SMPD4: variants seen among roughly 807,000 people sequenced by gnomAD.
The protein encoded by SMPD4 is neutral sphingomyelinase 3.
Under a neutral mutation model 97.8 loss-of-function variants are expected in SMPD4, and 58 were observed. The ratio of observed to expected loss-of-function variants is 0.59; its 90% confidence interval spans 0.48 to 0.74. SMPD4 has a LOEUF of 0.74. Among genes scored for constraint, SMPD4 ranks in the 30% least tolerant of loss-of-function variants. The probability of loss-of-function intolerance (pLI) is 0.00; values close to 1 mark genes in which losing one functional copy is unlikely to be tolerated. For synonymous variants in SMPD4, 388 were observed against 450.0 expected (o/e 0.86, Z 1.74); for missense variants, 853 against 1,080.5 (o/e 0.79, Z 2.95).
At chr2:130,167,255 G>C (rs1688024080) in intron 9 of SMPD4, among the ~76,000 whole-genome samples, 1 of 152,110 alleles carries the variant, frequency 6.6e-6, no homozygotes, top group Admixed American at 6.5e-5. Context: ...CGAGTAGCTG[G>C]GATTACAGGC....
intron 2 of SMPD4, among the ~76,000 whole-genome samples, 158 bp from the exon 3 acceptor site, chr2:130,175,158 C>T (rs1050747748): frequency 4.6e-5 from 7 of 152,076 alleles, no homozygotes; most frequent in African/African-American, 1.7e-4. Context: ...TGTCAGTGGC[C>T]CAAAGAGTAC....
Position 130,173,646 on chromosome 2 carries a change from G to C in SMPD4, c.137C>G (p.Thr46Ser), listed in dbSNP as rs1355965567. 43 of 1,613,746 alleles carry C rather than the reference G, an allele frequency of 2.7e-5. No individual in the cohort carries two copies. Among genetic ancestry groups the C allele is most frequent in the Non-Finnish European group, 3.4e-5 (40 of 1,179,848 alleles). ...GCTTTCTACCAGCCATGGGAAGATG[G>C]TGTGCAGCTCCTGAAACAATGTGTG... Reference protein sequence around the residue: ...IEDFPAKELHTIFPWLVESIF... With the variant: ...IEDFPAKELHSIFPWLVESIF... The change falls in exon 4 of 20, where the codon ACC becomes AGC. Residue 46 changes from threonine (T) to serine (S), a missense_variant. Physicochemically the swap from Thr to Ser is moderately conservative, Grantham distance 58. Around this residue, in one of 3 missense-constraint regions of SMPD4, gnomAD observed 313 missense variants for 402.2 expected, o/e 0.78. Transcript: ENST00000680298.
chr2:130,167,915 T>C (rs1378895239), intron 8 of SMPD4, among the ~76,000 whole-genome samples: 1 of 152,178 alleles, frequency 6.6e-6, no homozygotes, highest in Non-Finnish European at 1.5e-5. Flanking sequence ...AGGTTGGGCA[T>C]GGGGGTTCAC....
chr2:130,153,169 G>A lies in SMPD4; in HGVS notation c.2028C>T (p.Ile676=). 1 of 1,613,778 alleles carries A rather than the reference G, an allele frequency of 6.2e-7. No individual in the cohort carries two copies. Among genetic ancestry groups the A allele is most frequent in the African/African-American group, 1.3e-5 (1 of 75,040 alleles). ...LILTPLGRYQ[I]INGLRRFEIE... ...TTTCAAACCTTCGCAGCCCATTGATGATCTAGAAAGCCAGGCCATGGGGAT... is the reference window on the plus strand; with the variant it reads ...TTTCAAACCTTCGCAGCCCATTGATAATCTAGAAAGCCAGGCCATGGGGAT... Residue 676 remains isoleucine (I), a splice_region_variant and synonymous_variant, in exon 19 of 20, where the codon ATC becomes ATT. Coordinates refer to ENST00000680298, the MANE Select transcript of SMPD4 (RefSeq NM_017951.5).
chr2:130,154,343 G>A lies in SMPD4; in HGVS notation c.1593C>T (p.His531=), dbSNP rs372507740. The A allele has an allele frequency of 1.2e-4, 189 of 1,611,804 alleles. 1 individual carries two copies. Among genetic ancestry groups the A allele is most frequent in the Admixed American group, 9.8e-4 (59 of 59,976 alleles). Residue 531 remains histidine, a synonymous_variant, in exon 16 of 20, where the codon CAC becomes CAT. Transcript: ENST00000680298. Reference sequence around the variant, plus strand: ...AGTCCTGGCCCTCCAGGCTGTAGACGTGGCTCTTCACCTTGAAGGAGGCAT... The same window carrying A: ...AGTCCTGGCCCTCCAGGCTGTAGACATGGCTCTTCACCTTGAAGGAGGCAT... ...VTDASFKVKS[H]VYSLEGQDCK... is the part of the protein sequence containing the mutation.
At chr2:130,178,367 A>G (rs372980409) in intron 1 of SMPD4, among the ~76,000 whole-genome samples, 103 of 152,348 alleles carry the variant, frequency 6.8e-4, no homozygotes, top group African/African-American at 2.4e-3. Flanking sequence ...TGGCAGAACC[A>G]AGATTCCAAT....
chr2:130,158,963 TAAGTGGCTGAGTCTG>T (rs1687122077), intron 11 of SMPD4, among the ~76,000 whole-genome samples: 1 of 152,140 alleles, frequency 6.6e-6, no homozygotes, highest in South Asian at 2.1e-4. Flanking sequence ...ACCCCAGAGA[TAAGTGGCTGAGTCTG>T]AAGATGGAGC....
intron 14 of SMPD4, among the ~76,000 whole-genome samples, 165 bp downstream of exon 14, chr2:130,155,870 C>CT (rs779236738): frequency 2.0e-4 from 31 of 152,134 alleles, no homozygotes; most frequent in African/African-American, 3.6e-4. Context: ...TAGGAAAAGG[C>CT]TGGTCTGTGT....
In SMPD4 at chr2:130,152,755, C is replaced by T. The variant is rs184233162; in HGVS notation, c.2284G>A (p.Gly762Ser). The change falls in exon 20 of 20, where the codon GGC becomes AGC. Residue 762 changes from glycine to serine, a missense_variant. Gly to Ser is a moderately conservative substitution (Grantham distance 56). Coordinates refer to ENST00000680298, the MANE Select transcript of SMPD4 (RefSeq NM_017951.5). ...LSPVGRRQVAGHTRGPRLSLR... is the reference protein window; with the variant it reads ...LSPVGRRQVASHTRGPRLSLR... ...CTGAGCCTGGGGCCGCGGGTGTGGC[C>T]GGCCACCTGCCTCCGCCCCACAGGG... is the stretch of plus-strand genomic sequence containing the variant. 988 of 1,599,048 alleles carry T rather than the reference C, an allele frequency of 6.2e-4. 4 individuals are homozygous for T. The African/African-American group carries it at 0.012, about 19-fold the overall frequency.
In SMPD4 at chr2:130,181,477, G is replaced by C. The variant is rs1689627423; in HGVS notation, c.-46+53C>G. On this transcript the variant is annotated intron_variant, in intron 1 of 19. Coordinates refer to ENST00000680298, the MANE Select transcript of SMPD4 (RefSeq NM_017951.5). Reference sequence around the variant, plus strand: ...CGGAGATGGCCTCCGCAGGGGCTCGGGGAAGCCCCCAGGGCGCCGGACCGT... The same window carrying C: ...CGGAGATGGCCTCCGCAGGGGCTCGCGGAAGCCCCCAGGGCGCCGGACCGT... 1.2e-5 allele frequency: 19 copies of C among 1,557,618 alleles called. No homozygotes were observed. In the Middle Eastern group the frequency reaches 5.1e-4, roughly 42 times the overall value.
At chr2:130,156,531 C>G (rs1474694607) in intron 13 of SMPD4, 54 bp downstream of exon 13, 1 of 1,553,248 alleles carries the variant, frequency 6.4e-7, no homozygotes, top group Non-Finnish European at 8.8e-7. Context: ...AAGGACCTCC[C>G]ACCTCAAGGC....
Position 130,156,140 on chromosome 2 carries a change from G to A in SMPD4, c.1189-5C>T. 1.2e-6 allele frequency: 2 copies of A among 1,607,668 alleles called. No homozygotes were observed. The highest frequency in any genetic ancestry group is 1.7e-6 in the Non-Finnish European group (2 of 1,176,942). ...GCTCAGCCACATCTCCAGGACCTGT[G>A]GGGGAGGTGTGTGCTAAGGGCTCCG... is the stretch of plus-strand genomic sequence containing the variant. On this transcript the variant is annotated splice_polypyrimidine_tract_variant and splice_region_variant and intron_variant, in intron 13 of 19. Coordinates refer to ENST00000680298, the MANE Select transcript of SMPD4 (RefSeq NM_017951.5).
At chr2:130,162,249 G>A (rs1260765542) in intron 10 of SMPD4, among the ~76,000 whole-genome samples, 2 of 152,232 alleles carry the variant, frequency 1.3e-5, no homozygotes, top group Admixed American at 1.3e-4. Flanking sequence ...CCGACCTGCT[G>A]CCCTGCAGCA....
intron 9 of SMPD4, among the ~76,000 whole-genome samples, chr2:130,166,650 G>A (rs1183461223): frequency 2.6e-5 from 4 of 152,224 alleles, no homozygotes; most frequent in African/African-American, 4.8e-5. Flanking sequence ...GTCAGCCCCA[G>A]GATCCAGCGT....
At chr2:130,174,220 T>C (rs953817558) in intron 3 of SMPD4, among the ~76,000 whole-genome samples, 6 of 152,118 alleles carry the variant, frequency 3.9e-5, no homozygotes, top group Non-Finnish European at 8.8e-5. Flanking sequence ...AGGTTCTCAG[T>C]ATGTTGCCTA....
At chr2:130,154,538 G>A (rs1686571711) in intron 15 of SMPD4, 56 bp from the exon 16 acceptor site, 1 of 1,549,918 alleles carries the variant, frequency 6.5e-7, no homozygotes, top group African/African-American at 1.4e-5. Context: ...GTACCCGACT[G>A]CTGCCCTTAG....
intron 8 of SMPD4, among the ~76,000 whole-genome samples, chr2:130,168,076 T>G (rs1035909597): frequency 6.6e-6 from 1 of 152,164 alleles, no homozygotes; most frequent in African/African-American, 2.4e-5. Flanking sequence ...CCTGGTGGCA[T>G]GTGCCTGTAG....
chr2:130,180,109 G>A (rs1309235008), intron 1 of SMPD4, among the ~76,000 whole-genome samples: 2 of 150,714 alleles, frequency 1.3e-5, no homozygotes, highest in East Asian at 2.0e-4. Context: ...GATTACAGGC[G>A]CCCGCCACCA....
intron 13 of SMPD4, 158 bp from the exon 14 acceptor site, chr2:130,156,293 T>A: frequency 1.4e-6 from 1 of 722,158 alleles, no homozygotes; most frequent in East Asian, 2.7e-5. Flanking sequence ...GTTTGGCTCT[T>A]GCTGGCCCTC....
Sources: gnomAD v4.1 joint callset for allele counts (sites outside exome capture counted in the v4.1 genomes callset) on GRCh38, gnomAD v4.1.1 for gene constraint, gnomAD v4.1.1 regional missense constraint, MANE v1.5 for transcripts, NCBI Gene and HGNC (gene_info 2026-07-23, HGNC 2026-07-21) for gene names.